The following AKAP13 variants were observed in gnomAD, a reference collection of about 807,000 sequenced individuals.
AKAP13 encodes the protein A-kinase anchor protein 13.
Under a neutral mutation model 264.5 loss-of-function variants are expected in AKAP13, and 80 were observed. The ratio of observed to expected loss-of-function variants is 0.30; its 90% CI spans 0.25 to 0.36. The LOEUF (loss-of-function observed/expected upper bound fraction) is 0.36, where lower values mean the gene tolerates loss of function less well. Ranked by LOEUF, AKAP13 falls within the 10% of genes least tolerant of loss-of-function variation. The pLI, the probability that AKAP13 is intolerant of heterozygous loss-of-function variation, is 1.00. For missense variants in AKAP13, 3,712 were observed against 3,435.2 expected (o/e 1.08, Z -2.01); for synonymous variants, 1,380 against 1,250.2 (o/e 1.10, Z -2.19).
chr15:85,561,435 T>C (rs982353436), intron 5 of AKAP13, among the ~76,000 whole-genome samples: 6 of 152,214 alleles, frequency 3.9e-5, no homozygotes, highest in Non-Finnish European at 8.8e-5. Flanking sequence ...TTTAGTGAGA[T>C]TGAGCTTAAC....
At chr15:85,571,428 C>T (rs750094482) in intron 5 of AKAP13, among the ~76,000 whole-genome samples, 1 of 152,138 alleles carries the variant, frequency 6.6e-6, no homozygotes, top group Admixed American at 6.5e-5. Flanking sequence ...TAGATTGCTT[C>T]CAGTTTTTAA....
chr15:85,650,649 A>T (rs531108969), intron 10 of AKAP13, among the ~76,000 whole-genome samples: 278 of 148,004 alleles, frequency 1.9e-3, no homozygotes, highest in Admixed American at 3.6e-3. Context: ...CCAGCTACTC[A>T]GGAGGCTGAG....
chr15:85,609,558 AAACAGT>A (rs2080508293), intron 8 of AKAP13, among the ~76,000 whole-genome samples: 1 of 152,176 alleles, frequency 6.6e-6, no homozygotes, highest in Non-Finnish European at 1.5e-5. Flanking sequence ...TGGCTATTGC[AAACAGT>A]ATACTAAACA....
rs571110657 is a variant in AKAP13 at position 85,744,516 on chromosome 15, C to T, written c.8393-112C>T. The T allele has an allele frequency of 2.1e-5, 24 of 1,146,232 alleles. No individual in the cohort carries two copies. The African/African-American group carries it at 2.6e-4, about 12-fold the overall frequency. The allele number at this position is 1,146,232 out of a possible 1,614,324, so 71.0% of individuals were successfully genotyped here. A position where few individuals can be genotyped will look rare whatever the true frequency, so the allele number is the denominator to read the frequency against. ...CCGGTGCGCAGAAGAGTTAATTGCCCATAAGCCCCAGTCGCCTGTTTGCAT... is the reference window on the plus strand; with the variant it reads ...CCGGTGCGCAGAAGAGTTAATTGCCTATAAGCCCCAGTCGCCTGTTTGCAT... On this transcript the variant is annotated intron_variant, in intron 36 of 36. Coordinates refer to ENST00000394518, the MANE Select transcript of AKAP13 (RefSeq NM_007200.5).
At chr15:85,566,935 A>G (rs1208804000) in intron 5 of AKAP13, among the ~76,000 whole-genome samples, 1 of 151,634 alleles carries the variant, frequency 6.6e-6, no homozygotes, top group Non-Finnish European at 1.5e-5. Flanking sequence ...ACCGGAAATG[A>G]CTGACTTTAT....
intron 27 of AKAP13, 190 bp from the exon 28 acceptor site, chr15:85,726,876 C>T: frequency 1.6e-6 from 1 of 636,588 alleles, no homozygotes; most frequent in Non-Finnish European, 2.7e-6. Context: ...ATTACTATTT[C>T]CCTTTTGAAA....
Position 85,677,099 on chromosome 15 carries a change from G to A in AKAP13, c.5102-5059G>A. The A allele has an allele frequency of 3.0e-6, 3 of 985,446 alleles. No individual in the cohort carries two copies. In the South Asian group the frequency reaches 1.4e-4, roughly 46 times the overall value. 61.0% of individuals were successfully genotyped at this position (985,446 alleles called of 1,614,324 possible). On this transcript the variant is annotated intron_variant, in intron 14 of 36. Coordinates refer to ENST00000394518, the MANE Select transcript of AKAP13 (RefSeq NM_007200.5). ...AGTGATGAGGAGGAGGAGTTGCATA[G>A]TAAGTAAGCAACTTTGGTGTCCAGT...
chr15:85,609,401 A>C (rs1410908967), intron 8 of AKAP13, among the ~76,000 whole-genome samples: 1 of 152,148 alleles, frequency 6.6e-6, no homozygotes, highest in Non-Finnish European at 1.5e-5. Flanking sequence ...ATTTCATTTA[A>C]CGTAGTGTCC....
intron 34 of AKAP13, chr15:85,740,562 GTATGAT>G (rs1311615140): frequency 4.6e-6 from 2 of 438,272 alleles, no homozygotes; most frequent in East Asian, 3.7e-5. Context: ...AAAGCCTTAA[GTATGAT>G]TATAAGTTTC....
chr15:85,451,388 T>A (rs1300001144), intron 1 of AKAP13, among the ~76,000 whole-genome samples: 2 of 152,226 alleles, frequency 1.3e-5, no homozygotes, highest in African/African-American at 4.8e-5. Context: ...TTAGTAATGG[T>A]GTGTCTGGAT....
intron 1 of AKAP13, among the ~76,000 whole-genome samples, chr15:85,409,070 G>A (rs930446574): frequency 6.6e-6 from 1 of 151,712 alleles, no homozygotes; most frequent in Non-Finnish European, 1.5e-5. Context: ...CATTTTTCTA[G>A]TAGTTAGTGA....
chr15:85,563,096 G>A (rs1250664633), intron 5 of AKAP13, among the ~76,000 whole-genome samples: 1 of 151,902 alleles, frequency 6.6e-6, no homozygotes, highest in African/African-American at 2.4e-5. Flanking sequence ...GTATAAATGG[G>A]ATTCTACTCA....
chr15:85,584,888 G>T (rs547919489), intron 7 of AKAP13, among the ~76,000 whole-genome samples: 133 of 152,262 alleles, frequency 8.7e-4, no homozygotes, highest in African/African-American at 3.1e-3. Flanking sequence ...GGATTATTAA[G>T]GTGAATTTTG....
chr15:85,401,570 A>G (rs1053522862), intron 1 of AKAP13, among the ~76,000 whole-genome samples: 6 of 152,218 alleles, frequency 3.9e-5, no homozygotes, highest in African/African-American at 1.4e-4. Flanking sequence ...GAGCTATTAT[A>G]AACTGTTTAC....
chr15:85,666,465 G>A (rs1458613935), intron 13 of AKAP13, among the ~76,000 whole-genome samples: 2 of 150,614 alleles, frequency 1.3e-5, no homozygotes, highest in South Asian at 2.1e-4. Flanking sequence ...TCTGCCTTCT[G>A]TAGGTCGCCT....
intron 1 of AKAP13, among the ~76,000 whole-genome samples, chr15:85,397,030 T>G: frequency 6.9e-6 from 1 of 144,182 alleles, no homozygotes; most frequent in Non-Finnish European, 1.5e-5. Context: ...AATTTGGTGA[T>G]TCCCCCCCGC....
intron 1 of AKAP13, among the ~76,000 whole-genome samples, chr15:85,421,572 T>TGTGTGCGC (rs2072522166): frequency 6.6e-6 from 1 of 152,274 alleles, no homozygotes; most frequent in Non-Finnish European, 1.5e-5. Flanking sequence ...GATGGGTTTG[T>TGTGTGCGC]GTGTGCGCGT....
At chr15:85,616,045 A>G (rs1280834087) in intron 8 of AKAP13, among the ~76,000 whole-genome samples, 1 of 152,178 alleles carries the variant, frequency 6.6e-6, no homozygotes, top group Non-Finnish European at 1.5e-5. Context: ...GTCATTAACC[A>G]GTGTCCATTC....
intron 5 of AKAP13, chr15:85,544,245 G>A (rs1220984105): frequency 5.9e-6 from 3 of 505,490 alleles, no homozygotes; most frequent in South Asian, 3.3e-5. Flanking sequence ...AATGAGCCTT[G>A]TCTGTGGAGG....
Sources: gnomAD v4.1 joint callset for allele counts (sites outside exome capture counted in the v4.1 genomes callset) on GRCh38, gnomAD v4.1.1 for gene constraint, MANE v1.5 for transcripts, NCBI Gene and HGNC (gene_info 2026-07-23, HGNC 2026-07-21) for gene names.